Variants in AKAP12 observed in about 807,000 individuals in gnomAD.
AKAP12 encodes A-kinase anchoring protein 12, also known as A-kinase anchor protein 12.
A neutral mutation model predicts 79.9 loss-of-function variants in AKAP12; 32 were observed. That is an observed-to-expected ratio of 0.40 (90% CI 0.30 to 0.54). The LOEUF (loss-of-function observed/expected upper bound fraction) is 0.54. Ranked by LOEUF, AKAP12 falls within the 20% of genes least tolerant of loss-of-function variation. The pLI is 0.48. For synonymous variants in AKAP12, 808 were observed against 857.0 expected (o/e 0.94, Z 1.00); for missense variants, 2,074 against 2,177.0 (o/e 0.95, Z 0.94).
chr6:151,240,568 C>A lies in AKAP12; in HGVS notation c.6C>A (p.Gly2=). The A allele has an allele frequency of 6.9e-7, 1 of 1,442,210 alleles. No homozygotes were observed. Among genetic ancestry groups the A allele is most frequent in the South Asian group, 1.4e-5 (1 of 73,184 alleles). The allele number at this position is 1,442,210 out of a possible 1,614,324, so 89.3% of individuals were successfully genotyped here. Residue 2 remains glycine (G), a synonymous_variant, in exon 2 of 5, where the codon GGC becomes GGA. Transcript: ENST00000402676. ...GGGAGAAGTGCGGAGGAGCCATGGG[C>A]GCCGGGAGCTCCACCGAGCAGCGCA... is the stretch of plus-strand genomic sequence containing the variant. The part of the protein sequence containing the change: M[G]AGSSTEQRSP...
chr6:151,246,990 A>G (rs977341063), intron 2 of AKAP12, among the ~76,000 whole-genome samples: 1 of 152,126 alleles, frequency 6.6e-6, no homozygotes, highest in African/African-American at 2.4e-5. Flanking sequence ...ACAAGGTCTC[A>G]CTGTGTTGCC....
chr6:151,286,529 T>C (rs1038935521), intron 2 of AKAP12, among the ~76,000 whole-genome samples: 2 of 152,196 alleles, frequency 1.3e-5, no homozygotes, highest in Admixed American at 6.5e-5. Context: ...AAAGAAACTC[T>C]CCCTTTCTAG....
chr6:151,337,443 A>G (rs1475511799), intron 3 of AKAP12, among the ~76,000 whole-genome samples: 1 of 146,000 alleles, frequency 6.8e-6, no homozygotes, highest in African/African-American at 2.6e-5. Flanking sequence ...TGAACCCAGG[A>G]GGCGGAGGTT....
intron 3 of AKAP12, among the ~76,000 whole-genome samples, chr6:151,332,033 GTT>G (rs71014573): frequency 3.8e-5 from 3 of 79,686 alleles, no homozygotes; most frequent in Admixed American, 1.3e-4. Flanking sequence ...TTCTGGGTCT[GTT>G]TTTTTTTTTT....
chr6:151,327,790 C>T (rs1777566138), intron 3 of AKAP12, among the ~76,000 whole-genome samples: 1 of 152,118 alleles, frequency 6.6e-6, no homozygotes, highest in Non-Finnish European at 1.5e-5. Flanking sequence ...ACTTTTCTTA[C>T]AATGTGGGTG....
At chr6:151,338,670 C>T (rs1296626987) in intron 3 of AKAP12, among the ~76,000 whole-genome samples, 1 of 152,074 alleles carries the variant, frequency 6.6e-6, no homozygotes, top group Non-Finnish European at 1.5e-5. Context: ...AGGCTGGTCT[C>T]GAACTCCTGA....
intron 3 of AKAP12, among the ~76,000 whole-genome samples, chr6:151,327,613 G>T (rs1018520370): frequency 6.6e-6 from 1 of 152,114 alleles, no homozygotes; most frequent in Admixed American, 6.6e-5. Flanking sequence ...AAAGGAGGTG[G>T]TCTAAAGTTT....
intron 3 of AKAP12, among the ~76,000 whole-genome samples, chr6:151,319,139 A>G (rs1398177113): frequency 2.6e-5 from 4 of 152,140 alleles, no homozygotes; most frequent in Non-Finnish European, 5.9e-5. Flanking sequence ...TGCTTTTTAA[A>G]GTGATTTTAA....
chr6:151,346,536 C>T (rs1438492443), intron 3 of AKAP12, among the ~76,000 whole-genome samples: 9 of 152,118 alleles, frequency 5.9e-5, no homozygotes, highest in Non-Finnish European at 1.5e-5. Flanking sequence ...ACCATTAAAC[C>T]TTTTGGTCAG....
At chr6:151,302,805 G>A (rs1167510932) in intron 2 of AKAP12, among the ~76,000 whole-genome samples, 1 of 152,156 alleles carries the variant, frequency 6.6e-6, no homozygotes, top group African/African-American at 2.4e-5. Context: ...TGTAGCCCAC[G>A]ATAATATGTG....
intron 2 of AKAP12, among the ~76,000 whole-genome samples, chr6:151,242,341 T>C (rs1023477510): frequency 2.8e-5 from 2 of 72,192 alleles, no homozygotes; most frequent in African/African-American, 6.8e-5. Context: ...CCTTCCATTC[T>C]CTTTTTCCGT....
intron 2 of AKAP12, among the ~76,000 whole-genome samples, chr6:151,262,220 G>T (rs1797453327): frequency 6.6e-6 from 1 of 152,232 alleles, no homozygotes; most frequent in Non-Finnish European, 1.5e-5. Flanking sequence ...CTCCCAAAGT[G>T]CTGGGATAAC....
chr6:151,325,961 G>T, intron 3 of AKAP12: 2 of 1,607,988 alleles, frequency 1.2e-6, no homozygotes, highest in Non-Finnish European at 1.7e-6. Flanking sequence ...TTCTTCCGTT[G>T]AATGAGCGTT....
At chr6:151,240,913 A>T (rs1392087664) in intron 2 of AKAP12, among the ~76,000 whole-genome samples, 189 bp downstream of exon 2, 7 of 152,106 alleles carry the variant, frequency 4.6e-5, no homozygotes, top group Non-Finnish European at 8.8e-5. Context: ...GGGCCAGAGC[A>T]GCGGCGAGCG....
chr6:151,286,014 A>G (rs985957859), intron 2 of AKAP12, among the ~76,000 whole-genome samples: 2 of 151,978 alleles, frequency 1.3e-5, no homozygotes, highest in African/African-American at 4.8e-5. Context: ...AGTAGCTGAG[A>G]TTACAGGGGC....
Position 151,349,727 on chromosome 6 carries a change from G to A in AKAP12, c.1336G>A (p.Glu446Lys). 1 of 1,614,148 alleles carries A rather than the reference G, an allele frequency of 6.2e-7. No homozygotes were observed. The highest frequency in any genetic ancestry group is 8.5e-7 in the Non-Finnish European group (1 of 1,180,034). ...EETAGSVPAE[E>K]LVEMDAEPQE... ...AACAGCAGGGTCTGTGCCAGCTGAA[G>A]AATTGGTTGAAATGGATGCAGAACC... The change falls in exon 4 of 5, where the codon GAA (glutamate) becomes AAA (lysine). Residue 446 changes from glutamate to lysine, a missense_variant. Glu to Lys is a moderately conservative substitution (Grantham distance 56, BLOSUM62 1). Around this residue, in one of 3 missense-constraint regions of AKAP12, gnomAD observed 1,428 missense variants for 1,451.0 expected, o/e 0.98. Transcript: ENST00000402676.
At chr6:151,269,191 T>G (rs924867222) in intron 2 of AKAP12, among the ~76,000 whole-genome samples, 4 of 151,952 alleles carry the variant, frequency 2.6e-5, no homozygotes, top group Non-Finnish European at 5.9e-5. Context: ...TTGAGGCAGG[T>G]CTTTTTGAAG....
intron 2 of AKAP12, among the ~76,000 whole-genome samples, chr6:151,267,371 C>T (rs1259937209): frequency 1.3e-5 from 2 of 152,170 alleles, no homozygotes; most frequent in Non-Finnish European, 2.9e-5. Flanking sequence ...GACTATTGTA[C>T]TTAATTGACA....
chr6:151,310,002 C>T (rs1477381597), intron 3 of AKAP12, among the ~76,000 whole-genome samples: 3 of 151,886 alleles, frequency 2.0e-5, no homozygotes, highest in African/African-American at 7.3e-5. Flanking sequence ...GAAAAGCTCC[C>T]TTTCCGCAAC....
Sources: allele counts gnomAD v4.1 joint callset (sites outside exome capture counted in the v4.1 genomes callset), GRCh38; gene constraint gnomAD v4.1.1; regional missense constraint gnomAD v4.1.1; transcripts MANE v1.5; gene names NCBI Gene and HGNC (gene_info 2026-07-23, HGNC 2026-07-21).